The following SPOCK1 variants were observed in gnomAD, a reference collection of about 807,000 sequenced individuals.
The protein encoded by SPOCK1 is testican-1.
A neutral mutation model predicts 55.3 loss-of-function variants in SPOCK1; 23 were observed. The ratio of observed to expected loss-of-function variants is 0.42; its 90% CI spans 0.30 to 0.59. The LOEUF (loss-of-function observed/expected upper bound fraction) is 0.59, where lower values mean the gene tolerates loss of function less well. Ranked by LOEUF, SPOCK1 falls within the 20% of genes least tolerant of loss-of-function variation. The pLI is 0.22. For missense variants in SPOCK1, 499 were observed against 552.5 expected (o/e 0.90, Z 0.97); for synonymous variants, 226 against 221.0 (o/e 1.02, Z -0.20).
chr5:137,122,362 G>A (rs1753703441), intron 4 of SPOCK1, among the ~76,000 whole-genome samples: 1 of 152,146 alleles, frequency 6.6e-6, no homozygotes, highest in East Asian at 1.9e-4. Context: ...AGCTATTAGG[G>A]AAATGTAAAC....
intron 5 of SPOCK1, among the ~76,000 whole-genome samples, chr5:137,109,757 C>A (rs1162942360): frequency 6.6e-6 from 1 of 152,166 alleles, no homozygotes; most frequent in Non-Finnish European, 1.5e-5. Flanking sequence ...CTATCTGGAA[C>A]ATTCTACTCC....
At chr5:137,222,100 A>T (rs1363294108) in intron 3 of SPOCK1, among the ~76,000 whole-genome samples, 1 of 152,178 alleles carries the variant, frequency 6.6e-6, no homozygotes, top group Non-Finnish European at 1.5e-5. Context: ...GGTACTCAAA[A>T]CTCTGGCTTT....
intron 6 of SPOCK1, among the ~76,000 whole-genome samples, chr5:137,065,524 T>C (rs1752489555): frequency 6.6e-6 from 1 of 152,204 alleles, no homozygotes; most frequent in Non-Finnish European, 1.5e-5. Flanking sequence ...TGGTATTTCT[T>C]AGATAATTTC....
rs114080598 is a variant in SPOCK1 at position 137,300,807 on chromosome 5, C to T, written c.187-33752G>A. Among the ~76,000 whole-genome samples, 887 of 152,334 alleles carry T rather than the reference C, an allele frequency of 5.8e-3. 8 individuals are homozygous for T. Among genetic ancestry groups the T allele is most frequent in the African/African-American group, 0.021 (857 of 41,566 alleles). On this transcript the variant is annotated intron_variant, in intron 2 of 10. Transcript: ENST00000394945. ...CCAATTCTGAAACCCAGTTGTAACA[C>T]AGCTCTCAGCTGTGACCTCCAGCAG...
intron 2 of SPOCK1, among the ~76,000 whole-genome samples, chr5:137,428,132 T>C (rs1290184398): frequency 6.6e-6 from 1 of 152,120 alleles, no homozygotes; most frequent in Non-Finnish European, 1.5e-5. Context: ...CTGGGGCCAC[T>C]GTAGACATAC....
At chr5:137,119,334 A>G (rs1469348834) in intron 4 of SPOCK1, among the ~76,000 whole-genome samples, 1 of 152,254 alleles carries the variant, frequency 6.6e-6, no homozygotes, top group Admixed American at 6.5e-5. Flanking sequence ...CCAGAGACAA[A>G]ATAATGAATG....
chr5:137,060,862 T>A (rs908775517), intron 6 of SPOCK1, among the ~76,000 whole-genome samples: 1 of 152,144 alleles, frequency 6.6e-6, no homozygotes, highest in Admixed American at 6.5e-5. Flanking sequence ...TTTCCCAGAG[T>A]TGAACTCACA....
intron 3 of SPOCK1, among the ~76,000 whole-genome samples, chr5:137,245,823 T>C (rs1014315838): frequency 6.6e-6 from 1 of 150,870 alleles, no homozygotes; most frequent in African/African-American, 2.4e-5. Context: ...TCTTTAAGCA[T>C]GGGATCCATG....
At chr5:137,108,873 T>G (rs1431997052) in intron 5 of SPOCK1, among the ~76,000 whole-genome samples, 1 of 152,144 alleles carries the variant, frequency 6.6e-6, no homozygotes, top group East Asian at 1.9e-4. Context: ...TATTAAGTAC[T>G]TCTAAGCAGG....
intron 2 of SPOCK1, among the ~76,000 whole-genome samples, chr5:137,298,082 A>G (rs35370604): frequency 0.021 from 3,244 of 152,234 alleles, 47 homozygotes; most frequent in Non-Finnish European, 0.032. Flanking sequence ...AAACTTTCTG[A>G]GCCTCATTCT....
At chr5:136,986,126 T>C (rs1319165245) in intron 8 of SPOCK1, among the ~76,000 whole-genome samples, 2 of 152,168 alleles carry the variant, frequency 1.3e-5, no homozygotes, top group African/African-American at 4.8e-5. Context: ...GTAAAATACA[T>C]TTTGTTGACT....
At chr5:137,427,751 T>C (rs1752662933) in intron 2 of SPOCK1, among the ~76,000 whole-genome samples, 1 of 151,678 alleles carries the variant, frequency 6.6e-6, no homozygotes. Flanking sequence ...CTACCAAAAA[T>C]ACAAAAAATT....
chr5:136,980,430 C>T (rs1750706477), intron 9 of SPOCK1, among the ~76,000 whole-genome samples: 1 of 152,160 alleles, frequency 6.6e-6, no homozygotes, highest in African/African-American at 2.4e-5. Flanking sequence ...CCACCCAAAT[C>T]TCATCTTGAA....
intron 2 of SPOCK1, among the ~76,000 whole-genome samples, chr5:137,436,005 A>C (rs1752856748): frequency 2.9e-5 from 1 of 34,462 alleles, no homozygotes; most frequent in African/African-American, 5.3e-5. Context: ...ACATGTAAAA[A>C]TTAGCCGAGT....
chr5:137,197,533 T>C (rs1231457690), intron 3 of SPOCK1, among the ~76,000 whole-genome samples: 1 of 152,198 alleles, frequency 6.6e-6, no homozygotes, highest in African/African-American at 2.4e-5. Flanking sequence ...GTGTGTGACA[T>C]GCCTGCCACA....
At chr5:137,221,383 T>C (rs904149345) in intron 3 of SPOCK1, among the ~76,000 whole-genome samples, 13 of 152,110 alleles carry the variant, frequency 8.5e-5, no homozygotes, top group African/African-American at 3.1e-4. Context: ...CCCCCTAAAA[T>C]GAAAATTATT....
chr5:137,386,443 C>T (rs78102482), intron 2 of SPOCK1, among the ~76,000 whole-genome samples: 1,822 of 152,286 alleles, frequency 0.012, 29 homozygotes, highest in Middle Eastern at 0.061. Context: ...AGAGGACTGA[C>T]ATTACTCAAC....
At chr5:137,182,449 A>G (rs1754988915) in intron 3 of SPOCK1, among the ~76,000 whole-genome samples, 1 of 152,202 alleles carries the variant, frequency 6.6e-6, no homozygotes, top group Non-Finnish European at 1.5e-5. Flanking sequence ...AATATTTGCC[A>G]GTGTTTCCTA....
At position 137,267,073 on chromosome 5, in the gene SPOCK1, A is replaced by T. The variant is rs779580012; in HGVS notation, c.187-18T>A. ...TAATCATCCTATATAAGGAAAAAAT[A>T]GAAAACAAAGGTCAGAGTTCAAAAA... On this transcript the variant is annotated intron_variant, in intron 2 of 10. Transcript: ENST00000394945. 1 of 1,608,680 alleles carries T rather than the reference A, an allele frequency of 6.2e-7. No homozygotes were observed. Among genetic ancestry groups the T allele is most frequent in the Non-Finnish European group, 8.5e-7 (1 of 1,175,592 alleles).
Sources: allele counts gnomAD v4.1 joint callset (sites outside exome capture counted in the v4.1 genomes callset), GRCh38; gene constraint gnomAD v4.1.1; transcripts MANE v1.5; gene names NCBI Gene and HGNC (gene_info 2026-07-23, HGNC 2026-07-21).